Variants in PIAS1 observed in about 807,000 individuals in gnomAD.
PIAS1 encodes E3 SUMO-protein ligase PIAS1.
In PIAS1, 6 loss-of-function variants were observed where a neutral mutation model predicts 71.3. The observed-to-expected ratio is 0.08, with a 90% CI of 0.05 to 0.17. The LOEUF is 0.17. Among genes scored for constraint, PIAS1 ranks in the 10% least tolerant of loss-of-function variants. PIAS1 has a pLI of 1.00. For missense variants in PIAS1, 555 were observed against 793.6 expected (o/e 0.70, Z 3.61); for synonymous variants, 303 against 292.9 (o/e 1.03, Z -0.35).
At position 68,187,805 on chromosome 15, in the gene PIAS1, C is replaced by T. The variant is rs1595802352; in HGVS notation, c.1926C>T (p.Gly642=). 1 of 1,613,638 alleles carries T rather than the reference C, an allele frequency of 6.2e-7. No individual in the cohort carries two copies. Among genetic ancestry groups the T allele is most frequent in the African/African-American group, 1.3e-5 (1 of 74,908 alleles). Residue 642 remains glycine (G), a synonymous_variant, in exon 14 of 14, where the codon GGC becomes GGT. Coordinates refer to ENST00000249636, the MANE Select transcript of PIAS1 (RefSeq NM_016166.3). This position sits in a 1 kb window ranked among gnomAD's most constrained non-coding sequence, Gnocchi z 5.3. Reference sequence around the variant, plus strand: ...GCACGGACACGGCATCCATCTTTGGCATCATACCAGACATTATTTCATTGG... The same window carrying T: ...GCACGGACACGGCATCCATCTTTGGTATCATACCAGACATTATTTCATTGG... ...RSSTDTASIF[G]IIPDIISLD
At chr15:68,146,773 A>G (rs922771827) in intron 6 of PIAS1, 73 bp downstream of exon 6, 22 of 1,064,224 alleles carry the variant, frequency 2.1e-5, no homozygotes, top group Middle Eastern at 2.1e-4. Context: ...ATCTGAATTT[A>G]TATGTAAATT....
chr15:68,172,686 G>A (rs941133548), intron 8 of PIAS1, among the ~76,000 whole-genome samples: 1 of 152,204 alleles, frequency 6.6e-6, no homozygotes, highest in African/African-American at 2.4e-5. Flanking sequence ...GTGGGATCTG[G>A]GGACTCTACA....
intron 1 of PIAS1, among the ~76,000 whole-genome samples, chr15:68,065,886 G>T (rs1325264166): frequency 1.7e-4 from 21 of 125,730 alleles, no homozygotes; most frequent in African/African-American, 6.1e-4. Context: ...GACTTCAGGT[G>T]CTTGCCACCA....
intron 2 of PIAS1, among the ~76,000 whole-genome samples, chr15:68,087,154 G>A (rs1385846082): frequency 2.0e-5 from 3 of 152,130 alleles, no homozygotes; most frequent in East Asian, 3.9e-4. Flanking sequence ...ATTTAAATGA[G>A]TGAATGGTTT....
intron 2 of PIAS1, among the ~76,000 whole-genome samples, chr15:68,128,387 A>G (rs1353153237): frequency 6.6e-6 from 1 of 152,114 alleles, no homozygotes; most frequent in Non-Finnish European, 1.5e-5. Context: ...GGCTTAAATG[A>G]TCCACCTGCC....
intron 8 of PIAS1, among the ~76,000 whole-genome samples, chr15:68,172,928 C>T (rs1369209864): frequency 6.6e-6 from 1 of 152,184 alleles, no homozygotes; most frequent in Non-Finnish European, 1.5e-5. Flanking sequence ...CTGAATTGCT[C>T]GTGATGGTTC....
intron 2 of PIAS1, among the ~76,000 whole-genome samples, chr15:68,099,415 TTA>T (rs1375393288): frequency 1.3e-5 from 2 of 151,968 alleles, no homozygotes; most frequent in African/African-American, 4.8e-5. Flanking sequence ...TGAGTTTTTT[TTA>T]TGATTGGTGT....
intron 2 of PIAS1, among the ~76,000 whole-genome samples, chr15:68,111,646 G>A (rs1406616107): frequency 1.3e-5 from 2 of 152,086 alleles, no homozygotes; most frequent in South Asian, 2.1e-4. Context: ...TACAGGTTGC[G>A]TTGAAATAAA....
intron 1 of PIAS1, among the ~76,000 whole-genome samples, chr15:68,064,120 A>T (rs545383368): frequency 6.6e-6 from 1 of 152,198 alleles, no homozygotes; most frequent in Non-Finnish European, 1.5e-5. Flanking sequence ...TTTTAAATGG[A>T]ATACCATTTT....
intron 2 of PIAS1, among the ~76,000 whole-genome samples, chr15:68,116,924 A>C (rs1055178151): frequency 6.6e-6 from 1 of 152,146 alleles, no homozygotes; most frequent in Non-Finnish European, 1.5e-5. Flanking sequence ...AAAATTGTAC[A>C]TATTTATGGC....
chr15:68,059,709 C>CAAAA (rs770069635), intron 1 of PIAS1, among the ~76,000 whole-genome samples: 787 of 71,200 alleles, frequency 0.011, 1 homozygote, highest in Non-Finnish European at 0.013. Flanking sequence ...CCGTCTCAAA[C>CAAAA]AAAAAAAAAA....
chr15:68,131,767 CTT>C, intron 2 of PIAS1, among the ~76,000 whole-genome samples: 1 of 152,130 alleles, frequency 6.6e-6, no homozygotes, highest in Non-Finnish European at 1.5e-5. Flanking sequence ...TTGATGAACA[CTT>C]AGGTTGATTC....
At chr15:68,077,880 C>G (rs1056950405) in intron 1 of PIAS1, among the ~76,000 whole-genome samples, 1 of 152,188 alleles carries the variant, frequency 6.6e-6, no homozygotes. Context: ...AATCTCTATA[C>G]TAGGACCCAG....
intron 8 of PIAS1, among the ~76,000 whole-genome samples, chr15:68,168,249 T>G (rs2092969573): frequency 6.6e-6 from 1 of 152,130 alleles, no homozygotes; most frequent in Admixed American, 6.6e-5. Context: ...CCTCAAGTGA[T>G]CCGCTTGCCT....
In PIAS1 at chr15:68,074,840, C is replaced by CT. The variant is rs753381320; in HGVS notation, c.25-11455dup. Among the ~76,000 whole-genome samples the CT allele has an allele frequency of 3.1e-3, 437 of 142,800 alleles. 4 individuals carry two copies. Among genetic ancestry groups the CT allele is most frequent in the African/African-American group, 6.7e-3 (262 of 39,084 alleles). The allele number at this position is 142,800 out of a possible 152,430, so 93.7% of individuals were successfully genotyped here. A position where few individuals can be genotyped will look rare whatever the true frequency, so the allele number is the denominator to read the frequency against. ...CTTCTTATCTGGAACTTTAGCATTCCTTTTTTTTTTTCTTTTTGCTTTTTT... is the reference window on the plus strand; with the variant it reads ...CTTCTTATCTGGAACTTTAGCATTCCTTTTTTTTTTTTCTTTTTGCTTTTTT... On this transcript the variant is annotated intron_variant, in intron 1 of 13. Coordinates refer to ENST00000249636, the MANE Select transcript of PIAS1 (RefSeq NM_016166.3).
At chr15:68,120,602 C>T (rs1006233582) in intron 2 of PIAS1, among the ~76,000 whole-genome samples, 3 of 152,066 alleles carry the variant, frequency 2.0e-5, no homozygotes, top group African/African-American at 7.2e-5. Context: ...TTTTTATTTT[C>T]CCCCTCCTGG....
At chr15:68,181,130 T>A in intron 11 of PIAS1, 82 bp from the exon 12 acceptor site, 1 of 1,196,524 alleles carries the variant, frequency 8.4e-7, no homozygotes, top group Non-Finnish European at 1.2e-6. Flanking sequence ...CGAGGGTTCA[T>A]TGTGAGATAC....
At chr15:68,161,758 C>T (rs1405584869) in intron 7 of PIAS1, among the ~76,000 whole-genome samples, 1 of 151,862 alleles carries the variant, frequency 6.6e-6, no homozygotes, top group Non-Finnish European at 1.5e-5. Flanking sequence ...TGGTGAAACC[C>T]TGTCTCTGCT....
rs113989797 is a variant in PIAS1, at chr15:68,179,459, C to T, written c.1482-1753C>T. Among the ~76,000 whole-genome samples, 693 of 150,644 alleles carry T rather than the reference C, an allele frequency of 4.6e-3. 5 individuals are homozygous for T. The highest frequency in any genetic ancestry group is 0.014 in the African/African-American group (583 of 41,028). On this transcript the variant is annotated intron_variant, in intron 11 of 13. Coordinates refer to ENST00000249636, the MANE Select transcript of PIAS1 (RefSeq NM_016166.3). ...AGATGAAACATTTTTATGAGGCAGA[C>T]GAGAGTGTGTTTTATGCTTCATATC...
Sources: gnomAD v4.1 joint callset for allele counts (sites outside exome capture counted in the v4.1 genomes callset) on GRCh38, gnomAD v4.1.1 for gene constraint, Gnocchi (gnomAD v3.1) non-coding constraint, MANE v1.5 for transcripts, NCBI Gene and HGNC (gene_info 2026-07-23, HGNC 2026-07-21) for gene names.